RAB3GAP2: variants seen among roughly 807,000 people sequenced by gnomAD.
RAB3GAP2 encodes RAB3 GTPase activating non-catalytic protein subunit 2, also known as rab3 GTPase-activating protein non-catalytic subunit.
A neutral mutation model predicts 185.3 loss-of-function variants in RAB3GAP2; 87 were observed. That is an observed-to-expected ratio of 0.47 (90% CI 0.39 to 0.56). The LOEUF (loss-of-function observed/expected upper bound fraction) is 0.56, where lower values mean the gene tolerates loss of function less well. RAB3GAP2 is among the 20% of genes least tolerant of loss of function. RAB3GAP2 has a pLI of 0.00. For missense variants in RAB3GAP2, 1,492 were observed against 1,638.2 expected (o/e 0.91, Z 1.54); for synonymous variants, 554 against 576.1 (o/e 0.96, Z 0.55).
chr1:220,189,405 G>A (rs1658568381), intron 17 of RAB3GAP2, among the ~76,000 whole-genome samples: 1 of 151,920 alleles, frequency 6.6e-6, no homozygotes, highest in African/African-American at 2.4e-5. Context: ...ATTTTTAGTA[G>A]AGACGGGGTT....
intron 1 of RAB3GAP2, among the ~76,000 whole-genome samples, chr1:220,260,785 C>A (rs1390272746): frequency 1.3e-5 from 2 of 152,272 alleles, no homozygotes. Context: ...CTTACTAAGG[C>A]AATACTTCCA....
chr1:220,162,502 G>GA (rs1657981707), intron 27 of RAB3GAP2, among the ~76,000 whole-genome samples: 1 of 152,090 alleles, frequency 6.6e-6, no homozygotes, highest in Admixed American at 6.6e-5. Flanking sequence ...TAAGCATGAA[G>GA]AAAAGAGTCA....
chr1:220,194,939 T>C (rs1346581930), intron 12 of RAB3GAP2, 139 bp downstream of exon 12: 2 of 867,824 alleles, frequency 2.3e-6, no homozygotes, highest in Admixed American at 3.9e-5. Context: ...TACATTCTAG[T>C]GGGAAAAGAA....
At chr1:220,197,012 C>T (rs1571894832) in intron 9 of RAB3GAP2, among the ~76,000 whole-genome samples, 1 of 150,902 alleles carries the variant, frequency 6.6e-6, no homozygotes, top group South Asian at 2.1e-4. Flanking sequence ...TTTGAGATGG[C>T]GTCTCACCCT....
At chr1:220,233,984 G>T (rs1659548159) in intron 1 of RAB3GAP2, among the ~76,000 whole-genome samples, 1 of 152,032 alleles carries the variant, frequency 6.6e-6, no homozygotes, top group African/African-American at 2.4e-5. Context: ...TACAGGCGTG[G>T]ATCACCACGC....
In RAB3GAP2 at chr1:220,185,735, C is replaced by T; in HGVS notation, c.1786G>A (p.Glu596Lys). Residue 596 changes from glutamate to lysine, a missense_variant, in exon 18 of 35, where the codon GAA becomes AAA. Physicochemically the swap from Glu to Lys is moderately conservative, Grantham distance 56 (BLOSUM62 1). Around this residue, in one of 5 missense-constraint regions of RAB3GAP2, gnomAD observed 681 missense variants for 689.1 expected, o/e 0.99. Coordinates refer to ENST00000358951, the MANE Select transcript of RAB3GAP2 (RefSeq NM_012414.4). ...AAACGTTCACTTGCCAAAATGCTTT[C>T]CAAAGCCTAGGAGAAAGATATTGAA... ...KYPATKKQAL[E>K]SILASERLPF... 1 of 1,610,344 alleles carries T rather than the reference C, an allele frequency of 6.2e-7. No individual in the cohort carries two copies. Among genetic ancestry groups the T allele is most frequent in the Non-Finnish European group, 8.5e-7 (1 of 1,177,054 alleles).
At chr1:220,235,113 C>T (rs892452388) in intron 1 of RAB3GAP2, among the ~76,000 whole-genome samples, 5 of 152,106 alleles carry the variant, frequency 3.3e-5, no homozygotes, top group Non-Finnish European at 5.9e-5. Flanking sequence ...TACATGTACT[C>T]CTACTATGCC....
rs1038339610 is a variant in RAB3GAP2, at chr1:220,148,977, T to G, written c.*2274A>C. 1.3e-5 allele frequency: 2 copies of G among 152,192 alleles called. No individual in the cohort carries two copies. Among genetic ancestry groups the G allele is most frequent in the Non-Finnish European group, 2.9e-5 (2 of 68,022 alleles). The allele number at this position is 152,192 out of a possible 1,614,324, so 9.4% of individuals were successfully genotyped here. A position where few individuals can be genotyped will look rare whatever the true frequency, so the allele number is the denominator to read the frequency against. Reference sequence around the variant, plus strand: ...AGTTGTGTGAGGGTGGGCATATATCTAGGAAAACACTACTGGTTACTGGCT... The same window carrying G: ...AGTTGTGTGAGGGTGGGCATATATCGAGGAAAACACTACTGGTTACTGGCT... On this transcript the variant is annotated 3_prime_UTR_variant, in exon 35 of 35. Coordinates refer to ENST00000358951, the MANE Select transcript of RAB3GAP2 (RefSeq NM_012414.4).
Position 220,196,257 on chromosome 1 carries a change from G to A in RAB3GAP2, c.953C>T (p.Ala318Val). 1 of 1,613,164 alleles carries A rather than the reference G, an allele frequency of 6.2e-7. No homozygotes were observed. Among genetic ancestry groups the A allele is most frequent in the East Asian group, 2.2e-5 (1 of 44,822 alleles). Residue 318 changes from alanine (A) to valine (V), a missense_variant, in exon 10 of 35, where the codon GCT (alanine) becomes GTT (valine). Around this residue, in one of 5 missense-constraint regions of RAB3GAP2, gnomAD observed 243 missense variants for 314.8 expected, o/e 0.77. Coordinates refer to ENST00000358951, the MANE Select transcript of RAB3GAP2 (RefSeq NM_012414.4). The part of the protein sequence containing the change: ...GSNPFTGFFY[A>V]LEGSTQPLLS... ...CATTGATAAAACTCATACCTCTAAA[G>A]CATAGAAGAAGCCAGTAAATGGATT...
chr1:220,264,165 C>G (rs1480227691), intron 1 of RAB3GAP2, among the ~76,000 whole-genome samples: 1 of 151,930 alleles, frequency 6.6e-6, no homozygotes. Context: ...ATTATCAGTA[C>G]AAAACTCTCT....
intron 2 of RAB3GAP2, among the ~76,000 whole-genome samples, chr1:220,225,243 A>G (rs1659381765): frequency 6.6e-6 from 1 of 152,170 alleles, no homozygotes; most frequent in Admixed American, 6.5e-5. Flanking sequence ...TTTCCTGGCA[A>G]TTACTTAGCT....
chr1:220,163,339 A>C (rs1253837530), intron 27 of RAB3GAP2, among the ~76,000 whole-genome samples: 1 of 152,004 alleles, frequency 6.6e-6, no homozygotes, highest in East Asian at 1.9e-4. Flanking sequence ...TTGAAGAAAT[A>C]CTAGTCTGAA....
chr1:220,256,101 T>C (rs1660028010), intron 1 of RAB3GAP2, among the ~76,000 whole-genome samples: 1 of 152,036 alleles, frequency 6.6e-6, no homozygotes. Context: ...GGGTCAATGT[T>C]CAACATTCTT....
In RAB3GAP2 at chr1:220,171,124, A is replaced by G. The variant is rs897675230; in HGVS notation, c.2578-4T>C. ...CACCCAAAACTGTTTGGGAAAACTA[A>G]TAAAAAATGCACTGGTGATTCTTTG... is the stretch of plus-strand genomic sequence containing the variant. On this transcript the variant is annotated splice_region_variant and splice_polypyrimidine_tract_variant and intron_variant, in intron 23 of 34. Transcript: ENST00000358951. The G allele has an allele frequency of 1.9e-6, 3 of 1,612,622 alleles. No individual in the cohort carries two copies. The highest frequency in any genetic ancestry group is 2.5e-6 in the Non-Finnish European group (3 of 1,178,642).
chr1:220,200,619 C>G (rs765958169), intron 9 of RAB3GAP2: 1 of 528,094 alleles, frequency 1.9e-6, no homozygotes, highest in Non-Finnish European at 3.9e-6. Context: ...TTTCAATGTT[C>G]CAAAGTTTAA....
chr1:220,250,485 CT>C (rs542031313), intron 1 of RAB3GAP2, among the ~76,000 whole-genome samples: 1 of 152,156 alleles, frequency 6.6e-6, no homozygotes, highest in Non-Finnish European at 1.5e-5. Flanking sequence ...TGAGATGATA[CT>C]TTGGACTTGA....
At chr1:220,199,655 C>T (rs998362639) in intron 9 of RAB3GAP2, among the ~76,000 whole-genome samples, 4 of 152,130 alleles carry the variant, frequency 2.6e-5, no homozygotes, top group Admixed American at 6.5e-5. Flanking sequence ...CCTGTAAAAA[C>T]GTAACTCTTT....
At chr1:220,229,454 C>T (rs1443020712) in intron 2 of RAB3GAP2, among the ~76,000 whole-genome samples, 1 of 152,164 alleles carries the variant, frequency 6.6e-6, no homozygotes, top group Non-Finnish European at 1.5e-5. Context: ...CATTTTCCTT[C>T]TTTTCTACTC....
intron 1 of RAB3GAP2, among the ~76,000 whole-genome samples, chr1:220,245,533 G>A (rs898179910): frequency 4.6e-5 from 7 of 152,068 alleles, no homozygotes; most frequent in Non-Finnish European, 5.9e-5. Context: ...ATGGAATCTC[G>A]CTGATTGCTA....
Sources: allele counts gnomAD v4.1 joint callset (sites outside exome capture counted in the v4.1 genomes callset), GRCh38; gene constraint gnomAD v4.1.1; regional missense constraint gnomAD v4.1.1; transcripts MANE v1.5; gene names NCBI Gene and HGNC (gene_info 2026-07-23, HGNC 2026-07-21).